Variants in MYT1L observed in about 807,000 individuals in gnomAD.
MYT1L encodes myelin transcription factor 1-like protein.
In MYT1L, 12 loss-of-function variants were observed where a neutral mutation model predicts 126.7. That is an observed-to-expected ratio of 0.09 (90% CI 0.06 to 0.15). MYT1L has a LOEUF of 0.15. Ranked by LOEUF, MYT1L falls within the 10% of genes least tolerant of loss-of-function variation. MYT1L has a pLI of 1.00. For missense variants in MYT1L, 979 were observed against 1,585.2 expected, an observed-to-expected ratio of 0.62 and a Z score of 6.49; for synonymous variants, 541 against 604.2, an observed-to-expected ratio of 0.90 and a Z score of 1.53.
intron 2 of MYT1L, among the ~76,000 whole-genome samples, chr2:2,210,469 A>T (rs1411331485): frequency 1.3e-5 from 2 of 152,206 alleles, no homozygotes; most frequent in African/African-American, 2.4e-5. Context: ...TCCCAGCACC[A>T]TTTGTTGAAG....
chr2:1,889,331 C>G lies in MYT1L; in HGVS notation c.2430G>C (p.Gln810His). Residue 810 changes from glutamine to histidine, a missense_variant, in exon 16 of 25, where the codon CAG becomes CAC. Coordinates refer to ENST00000647738, the MANE Select transcript of MYT1L (RefSeq NM_001303052.2). This position sits in a 1 kb window ranked among gnomAD's most constrained non-coding sequence, Gnocchi z 4.1. ...QQAVMNNRCF[Q>H]LGEGDCWDLP... ...AGTCCCAGCAGTCGCCCTCGCCCAG[C>G]TGGAAACACCGGTTGTTCATCACTG... is the stretch of plus-strand genomic sequence containing the variant. 6.2e-7 allele frequency: 1 copy of G among 1,613,962 alleles called. No individual in the cohort carries two copies. Among genetic ancestry groups the G allele is most frequent in the South Asian group, 1.1e-5 (1 of 91,078 alleles).
At chr2:2,237,528 A>T (rs2094348623) in intron 2 of MYT1L, among the ~76,000 whole-genome samples, 1 of 152,206 alleles carries the variant, frequency 6.6e-6, no homozygotes, top group African/African-American at 2.4e-5. Flanking sequence ...AGTTTTTGTA[A>T]GTGTTTTAAG....
At chr2:1,794,916 G>C (rs760918386) in intron 23 of MYT1L, among the ~76,000 whole-genome samples, 2 of 152,206 alleles carry the variant, frequency 1.3e-5, no homozygotes, top group African/African-American at 4.8e-5. Flanking sequence ...TCCTGAACCA[G>C]GCTGCTTGGT....
At chr2:2,002,278 G>C (rs1044637291) in intron 4 of MYT1L, among the ~76,000 whole-genome samples, 3 of 152,240 alleles carry the variant, frequency 2.0e-5, no homozygotes, top group East Asian at 1.9e-4. Flanking sequence ...TTGGCTCTCT[G>C]CTGCTGCCGA....
intron 1 of MYT1L, among the ~76,000 whole-genome samples, chr2:2,294,584 G>A (rs1366994045): frequency 6.6e-6 from 1 of 151,690 alleles, no homozygotes; most frequent in Non-Finnish European, 1.5e-5. Flanking sequence ...AGAGAGGGCA[G>A]ACAGTGAAGT....
intron 3 of MYT1L, among the ~76,000 whole-genome samples, chr2:2,145,193 A>C (rs1301204937): frequency 6.6e-6 from 1 of 152,194 alleles, no homozygotes; most frequent in Non-Finnish European, 1.5e-5. Context: ...ATGGCTCTGA[A>C]GGTGTGGCCT....
At chr2:2,002,420 A>T (rs142629218) in intron 4 of MYT1L, among the ~76,000 whole-genome samples, 3 of 152,260 alleles carry the variant, frequency 2.0e-5, no homozygotes, top group Non-Finnish European at 4.4e-5. Flanking sequence ...GTAGAATTCA[A>T]TTTCAAAACT....
At chr2:2,023,777 T>C (rs1175098285) in intron 4 of MYT1L, among the ~76,000 whole-genome samples, 3 of 152,184 alleles carry the variant, frequency 2.0e-5, no homozygotes, top group Non-Finnish European at 4.4e-5. Context: ...TACAGAAGAA[T>C]GTTTGTCTGT....
rs182400396 is a variant in MYT1L, at chr2:2,062,706, C to G, written c.-303-8583G>C. ...CTAATATTTGTCTGAGCAAAACAGT[C>G]TAGATGAGAGAGAACTTCCCTGGAG... On this transcript the variant is annotated intron_variant, in intron 3 of 24. Transcript: ENST00000647738. Among the ~76,000 whole-genome samples, 116 of 152,294 alleles carry G rather than the reference C, an allele frequency of 7.6e-4. 3 individuals carry two copies. The East Asian group carries it at 0.016, about 21-fold the overall frequency.
chr2:1,869,806 C>T (rs1303182176), intron 18 of MYT1L, among the ~76,000 whole-genome samples: 1 of 152,152 alleles, frequency 6.6e-6, no homozygotes, highest in East Asian at 1.9e-4. Context: ...GTACTAAGTT[C>T]AGGTTTCCCA....
At chr2:2,215,106 G>T (rs944618770) in intron 2 of MYT1L, among the ~76,000 whole-genome samples, 4 of 151,858 alleles carry the variant, frequency 2.6e-5, no homozygotes, top group Non-Finnish European at 5.9e-5. Flanking sequence ...AGAAATAACA[G>T]AATCATAGAC....
intron 3 of MYT1L, among the ~76,000 whole-genome samples, chr2:2,123,677 T>C (rs1223374230): frequency 6.6e-6 from 1 of 152,220 alleles, no homozygotes; most frequent in African/African-American, 2.4e-5. Context: ...GTACAGCCTG[T>C]GGAACTGTGA....
chr2:1,911,427 G>A (rs1304653456), intron 12 of MYT1L, among the ~76,000 whole-genome samples: 3 of 152,200 alleles, frequency 2.0e-5, no homozygotes, highest in Non-Finnish European at 2.9e-5. Flanking sequence ...GGGCAGCTGA[G>A]TAGTTCTTAT....
At chr2:2,253,286 G>T (rs772707235) in intron 2 of MYT1L, among the ~76,000 whole-genome samples, 9 of 152,208 alleles carry the variant, frequency 5.9e-5, no homozygotes, top group Non-Finnish European at 1.3e-4. Context: ...CTGGGAACAG[G>T]GCTCGCTGGC....
chr2:2,189,227 C>T (rs572106757), intron 2 of MYT1L, among the ~76,000 whole-genome samples: 2 of 152,240 alleles, frequency 1.3e-5, no homozygotes, highest in Non-Finnish European at 2.9e-5. Flanking sequence ...GGCGGCTCCT[C>T]CTCATCCCTC....
chr2:2,251,280 A>C (rs2094641288), intron 2 of MYT1L, among the ~76,000 whole-genome samples: 1 of 152,096 alleles, frequency 6.6e-6, no homozygotes, highest in Non-Finnish European at 1.5e-5. Context: ...TCCTTTTATT[A>C]TTAGTAAGAT....
At chr2:2,215,400 T>C (rs2093648865) in intron 2 of MYT1L, among the ~76,000 whole-genome samples, 1 of 152,170 alleles carries the variant, frequency 6.6e-6, no homozygotes, top group Non-Finnish European at 1.5e-5. Flanking sequence ...GTGGCTCTGT[T>C]AATAACAGAC....
chr2:1,928,480 C>G (rs2054519353), intron 9 of MYT1L, among the ~76,000 whole-genome samples: 1 of 152,166 alleles, frequency 6.6e-6, no homozygotes, highest in African/African-American at 2.4e-5. Flanking sequence ...CAGTCCTGAA[C>G]ATTCCACAGT....
intron 4 of MYT1L, among the ~76,000 whole-genome samples, chr2:1,999,937 T>C (rs1204119838): frequency 2.0e-5 from 3 of 152,238 alleles, no homozygotes; most frequent in Non-Finnish European, 2.9e-5. Flanking sequence ...CTTATTAAAG[T>C]TGTCATATAA....
Sources: allele counts gnomAD v4.1 joint callset (sites outside exome capture counted in the v4.1 genomes callset), GRCh38; gene constraint gnomAD v4.1.1; non-coding constraint Gnocchi (gnomAD v3.1); transcripts MANE v1.5; gene names NCBI Gene and HGNC (gene_info 2026-07-23, HGNC 2026-07-21).